EIF4G3: variants seen among roughly 807,000 people sequenced by gnomAD.
EIF4G3 encodes eIF-4-gamma 3.
EIF4G3 carries 34 observed loss-of-function variants against 186.4 expected under a neutral mutation model. The observed-to-expected ratio is 0.18, with a 90% CI of 0.14 to 0.24. The LOEUF is 0.24. Among genes scored for constraint, EIF4G3 ranks in the 10% least tolerant of loss-of-function variants. The pLI, the probability that EIF4G3 is intolerant of heterozygous loss-of-function variation, is 1.00. For synonymous variants in EIF4G3, 673 were observed against 679.5 expected (o/e 0.99, Z 0.15); for missense variants, 1,536 against 1,948.5 (o/e 0.79, Z 3.99).
intron 2 of EIF4G3, among the ~76,000 whole-genome samples, chr1:21,134,595 G>A (rs2102556089): frequency 6.6e-6 from 1 of 152,268 alleles, no homozygotes; most frequent in South Asian, 2.1e-4. Context: ...CTTGAGCCCG[G>A]GAGGCGGAGG....
intron 2 of EIF4G3, among the ~76,000 whole-genome samples, chr1:21,168,496 C>T (rs540251418): frequency 2.7e-4 from 41 of 152,114 alleles, no homozygotes; most frequent in African/African-American, 9.9e-4. Context: ...AATCAGGTCT[C>T]ACTACAGCCT....
At chr1:21,157,862 C>T (rs1380446585) in intron 2 of EIF4G3, among the ~76,000 whole-genome samples, 1 of 152,158 alleles carries the variant, frequency 6.6e-6, no homozygotes, top group Admixed American at 6.5e-5. Context: ...TACTAGTTGT[C>T]CTTTTTCACT....
rs76362476 is a variant in EIF4G3 at position 21,040,713 on chromosome 1, C to A, written c.-67+10153G>T. Among the ~76,000 whole-genome samples, 822 of 152,276 alleles carry A rather than the reference C, an allele frequency of 5.4e-3. 10 individuals carry two copies. Among genetic ancestry groups the A allele is most frequent in the East Asian group, 0.024 (124 of 5,190 alleles). On this transcript the variant is annotated intron_variant, in intron 4 of 36. Transcript: ENST00000602326. Reference sequence around the variant, plus strand: ...TGTTGTTATTACAGTTCTGTTAAAGCGAACTAAATATGGTCTGAGAAGGAC... The same window carrying A: ...TGTTGTTATTACAGTTCTGTTAAAGAGAACTAAATATGGTCTGAGAAGGAC...
chr1:20,862,014 TG>T (rs752292124), intron 23 of EIF4G3, among the ~76,000 whole-genome samples: 8 of 152,028 alleles, frequency 5.3e-5, no homozygotes, highest in Non-Finnish European at 1.2e-4. Flanking sequence ...CAATATGGTT[TG>T]ATAATCAGAA....
In EIF4G3 at chr1:21,005,601, C is replaced by T. The variant is rs145407994; in HGVS notation, c.-66-2793G>A. Among the ~76,000 whole-genome samples, 64 of 152,204 alleles carry T rather than the reference C, an allele frequency of 4.2e-4. 1 individual carries two copies. Among genetic ancestry groups the T allele is most frequent in the African/African-American group, 1.3e-3 (56 of 41,546 alleles). The stretch of plus-strand genomic sequence containing the variant: ...TATTTGACTTCACTCAAAATTTTAA[C>T]AACATTTTCAACACTCAAGCCAAAT... On this transcript the variant is annotated intron_variant, in intron 4 of 36. Coordinates refer to ENST00000602326, the MANE Select transcript of EIF4G3 (RefSeq NM_001391906.1).
intron 14 of EIF4G3, among the ~76,000 whole-genome samples, chr1:20,931,338 G>C (rs58762579): frequency 6.6e-6 from 1 of 151,888 alleles, no homozygotes; most frequent in African/African-American, 2.4e-5. Flanking sequence ...ATGTGCAGTA[G>C]TATTTTGAAA....
At chr1:21,153,715 C>T (rs1321856750) in intron 2 of EIF4G3, among the ~76,000 whole-genome samples, 2 of 152,132 alleles carry the variant, frequency 1.3e-5, no homozygotes, top group East Asian at 3.9e-4. Flanking sequence ...TAGGTATGTG[C>T]CACCACACCC....
At chr1:21,176,081 T>C in intron 2 of EIF4G3, 94 bp downstream of exon 2, 1 of 255,876 alleles carries the variant, frequency 3.9e-6, no homozygotes, top group East Asian at 7.8e-5. Flanking sequence ...CTGGCTGGGC[T>C]GTGGCGGCCG....
At chr1:21,000,536 C>T (rs936077272) in intron 6 of EIF4G3, among the ~76,000 whole-genome samples, 56 of 151,290 alleles carry the variant, frequency 3.7e-4, no homozygotes, top group Middle Eastern at 3.4e-3. Context: ...CAACTTGGGA[C>T]GTAAACAGAA....
At position 20,904,990 on chromosome 1, in the gene EIF4G3, C is replaced by T. The variant is rs2091623474; in HGVS notation, c.1664-19G>A. On this transcript the variant is annotated intron_variant, in intron 14 of 36. Transcript: ENST00000602326. ...ATTTGAGCTGAAATACAAGATCAGG[C>T]CCATTACTTGCCACTGCAAAGTCAT... is the stretch of plus-strand genomic sequence containing the variant. 6.3e-7 allele frequency: 1 copy of T among 1,587,540 alleles called. No homozygotes were observed. The highest frequency in any genetic ancestry group is 1.7e-5 in the Admixed American group (1 of 59,242).
chr1:21,082,969 G>A (rs898853664), intron 3 of EIF4G3, among the ~76,000 whole-genome samples: 1 of 141,908 alleles, frequency 7.0e-6, no homozygotes, highest in East Asian at 2.2e-4. Flanking sequence ...ACCTGGGAGG[G>A]GGAGCTTGCA....
At chr1:21,031,407 G>GCT (rs1373721425) in intron 4 of EIF4G3, among the ~76,000 whole-genome samples, 1 of 151,540 alleles carries the variant, frequency 6.6e-6, no homozygotes, top group Non-Finnish European at 1.5e-5. Context: ...AAAAAAGAGG[G>GCT]AGAGAGAGCT....
At chr1:20,808,301 C>T (rs1294875175) in intron 36 of EIF4G3, among the ~76,000 whole-genome samples, 1 of 152,094 alleles carries the variant, frequency 6.6e-6, no homozygotes, top group Non-Finnish European at 1.5e-5. Context: ...ATTTTCTGCG[C>T]TGCAAGTTTA....
chr1:20,987,690 C>T (rs1461121589), intron 7 of EIF4G3, among the ~76,000 whole-genome samples: 1 of 152,136 alleles, frequency 6.6e-6, no homozygotes, highest in African/African-American at 2.4e-5. Flanking sequence ...TCTGTTGTCC[C>T]CCCGCCTCTC....
intron 14 of EIF4G3, among the ~76,000 whole-genome samples, chr1:20,914,314 C>A (rs1019220599): frequency 6.6e-6 from 1 of 151,960 alleles, no homozygotes; most frequent in Non-Finnish European, 1.5e-5. Context: ...AGACTATTAT[C>A]CTAGATTAAC....
intron 2 of EIF4G3, among the ~76,000 whole-genome samples, chr1:21,090,075 G>A (rs1354523431): frequency 6.6e-6 from 1 of 152,104 alleles, no homozygotes; most frequent in Non-Finnish European, 1.5e-5. Flanking sequence ...CATAACCCAT[G>A]ATTGAAATAC....
chr1:21,053,512 G>A (rs1207518198), intron 3 of EIF4G3, among the ~76,000 whole-genome samples: 1 of 147,004 alleles, frequency 6.8e-6, no homozygotes, highest in East Asian at 2.1e-4. Context: ...GAGTCCCTCT[G>A]CCCGGCCAGC....
At chr1:21,014,424 A>C (rs1190111668) in intron 4 of EIF4G3, among the ~76,000 whole-genome samples, 1 of 152,172 alleles carries the variant, frequency 6.6e-6, no homozygotes, top group East Asian at 1.9e-4. Context: ...TCACTTGGGT[A>C]ATAAGCACAG....
chr1:21,150,313 T>A (rs927454843), intron 2 of EIF4G3, among the ~76,000 whole-genome samples: 1 of 152,158 alleles, frequency 6.6e-6, no homozygotes, highest in African/African-American at 2.4e-5. Context: ...GCAAGCATCA[T>A]AAAAAATGTT....
Sources: gnomAD v4.1 joint callset for allele counts (sites outside exome capture counted in the v4.1 genomes callset) on GRCh38, gnomAD v4.1.1 for gene constraint, MANE v1.5 for transcripts, NCBI Gene and HGNC (gene_info 2026-07-23, HGNC 2026-07-21) for gene names.